PYGO1: variants seen among roughly 807,000 people sequenced by gnomAD.
PYGO1 encodes the protein pygopus family PHD finger 1, also known as pygopus homolog 1.
PYGO1 carries 6 observed loss-of-function variants against 29.5 expected under a neutral mutation model. The ratio of observed to expected loss-of-function variants is 0.20; its 90% confidence interval spans 0.11 to 0.40. The LOEUF is 0.40. Among genes scored for constraint, PYGO1 ranks in the 10% least tolerant of loss-of-function variants. PYGO1 has a pLI of 1.00. For missense variants in PYGO1, 515 were observed against 514.9 expected (o/e 1.00, Z 0.00); for synonymous variants, 186 against 180.5 (o/e 1.03, Z -0.24).
chr15:55,568,320 CTGTGTGTG>C lies in PYGO1; in HGVS notation c.50-19333_50-19326del, dbSNP rs58177433. 5.5e-3 allele frequency among the ~76,000 whole-genome samples: 688 copies of C among 125,904 alleles called. 4 individuals are homozygous for C. Among genetic ancestry groups the C allele is most frequent in the Admixed American group, 0.011 (141 of 12,480 alleles). 82.6% of individuals were successfully genotyped at this position (125,904 alleles called of 152,430 possible). ...ATGGTTAAGACGTATTTCCTAGGTA[CTGTGTGTG>C]TGTGTGTGTGTGTGTGTGTGTGTGT... On this transcript the variant is annotated intron_variant, in intron 1 of 2. Coordinates refer to ENST00000563719, the MANE Select transcript of PYGO1 (RefSeq NM_001367806.1).
intron 1 of PYGO1, among the ~76,000 whole-genome samples, chr15:55,578,508 C>A (rs2059013350): frequency 6.6e-6 from 1 of 152,132 alleles, no homozygotes; most frequent in South Asian, 2.1e-4. Context: ...CACATCCTCA[C>A]CAACATTTTT....
chr15:55,548,342 C>T (rs1242719698), intron 2 of PYGO1, among the ~76,000 whole-genome samples: 1 of 151,918 alleles, frequency 6.6e-6, no homozygotes, highest in African/African-American at 2.4e-5. Context: ...TTTTAATTTG[C>T]CCACACTTCC....
chr15:55,568,320 C>CTGTG (rs58177433), intron 1 of PYGO1, among the ~76,000 whole-genome samples: 31,677 of 125,648 alleles, frequency 0.25, 4,572 homozygotes, highest in Non-Finnish European at 0.29. Flanking sequence ...TTCCTAGGTA[C>CTGTG]TGTGTGTGTG....
chr15:55,576,632 G>T (rs1176532824), intron 1 of PYGO1, among the ~76,000 whole-genome samples: 1 of 150,392 alleles, frequency 6.6e-6, no homozygotes, highest in Non-Finnish European at 1.5e-5. Context: ...TTAGCCGGGC[G>T]TGGTGGTGGG....
intron 2 of PYGO1, among the ~76,000 whole-genome samples, chr15:55,548,228 C>A (rs1228868255): frequency 6.6e-6 from 1 of 151,750 alleles, no homozygotes; most frequent in Non-Finnish European, 1.5e-5. Flanking sequence ...CCATGTTGGC[C>A]AGTCTGGTCT....
Position 55,546,591 on chromosome 15 carries a change from T to C in PYGO1, c.692A>G (p.Gln231Arg). The C allele has an allele frequency of 3.7e-6, 6 of 1,613,956 alleles. No homozygotes were observed. The highest frequency in any genetic ancestry group is 5.1e-6 in the Non-Finnish European group (6 of 1,179,962). ...SFIPPPNTFG[Q>R]AKAPPPKQDF... Reference sequence around the variant, plus strand: ...TTGTTTTGGGGGTGGTGCTTTTGCTTGACCAAAAGTGTTTGGGGGAGGAAT... The same window carrying C: ...TTGTTTTGGGGGTGGTGCTTTTGCTCGACCAAAAGTGTTTGGGGGAGGAAT... The change falls in exon 3 of 3, where the codon CAA becomes CGA. Residue 231 changes from glutamine to arginine, a missense_variant. By Grantham distance (43) the Gln-to-Arg change is conservative. Coordinates refer to ENST00000563719, the MANE Select transcript of PYGO1 (RefSeq NM_001367806.1).
In PYGO1 at chr15:55,587,761, C is replaced by A; in HGVS notation, c.49+74G>T. ...AGGCCCGGACAGAGCCCCATGGCCTCCCGGCGGCCGGGCACGGGGCCCCGC... is the reference window on the plus strand; with the variant it reads ...AGGCCCGGACAGAGCCCCATGGCCTACCGGCGGCCGGGCACGGGGCCCCGC... On this transcript the variant is annotated intron_variant, in intron 1 of 2. Transcript: ENST00000563719. 3.5e-6 allele frequency: 5 copies of A among 1,438,934 alleles called. No individual in the cohort carries two copies. In the South Asian group the frequency reaches 5.3e-5, roughly 15 times the overall value. The allele number at this position is 1,438,934 out of a possible 1,614,324, so 89.1% of individuals were successfully genotyped here. A position where few individuals can be genotyped will look rare whatever the true frequency, so the allele number is the denominator to read the frequency against.
intron 1 of PYGO1, among the ~76,000 whole-genome samples, chr15:55,555,241 T>C (rs1211564497): frequency 6.6e-6 from 1 of 151,972 alleles, no homozygotes; most frequent in Non-Finnish European, 1.5e-5. Context: ...AACCAAGAAT[T>C]TCATATCCGA....
intron 1 of PYGO1, among the ~76,000 whole-genome samples, chr15:55,571,366 G>A (rs983365373): frequency 6.6e-5 from 10 of 151,940 alleles, no homozygotes; most frequent in African/African-American, 1.9e-4. Context: ...CAACTATTTC[G>A]GATATATACA....
At chr15:55,578,122 C>G (rs750748307) in intron 1 of PYGO1, among the ~76,000 whole-genome samples, 3 of 152,118 alleles carry the variant, frequency 2.0e-5, no homozygotes, top group Non-Finnish European at 4.4e-5. Context: ...TAGCTTCTTT[C>G]GTTTAGCATA....
chr15:55,559,146 C>A (rs966322535), intron 1 of PYGO1, among the ~76,000 whole-genome samples: 6 of 152,024 alleles, frequency 3.9e-5, no homozygotes, highest in African/African-American at 2.4e-5. Context: ...AAGAAAAAAA[C>A]AACCCCATCG....
In PYGO1 at chr15:55,540,301, A is replaced by G. The variant is rs1207376517; in HGVS notation, c.*5722T>C. The G allele has an allele frequency of 2.0e-5, 3 of 152,024 alleles. No homozygotes were observed. The highest frequency in any genetic ancestry group is 4.4e-5 in the Non-Finnish European group (3 of 67,932). 9.4% of individuals were successfully genotyped at this position (152,024 alleles called of 1,614,324 possible). On this transcript the variant is annotated 3_prime_UTR_variant, in exon 3 of 3. Transcript: ENST00000563719. ...CATGTCTAAATAAATGAAGATAAAT[A>G]TTACAGTACTACTTATTTTGGTTAT...
chr15:55,552,334 C>T (rs1445211548), intron 1 of PYGO1, among the ~76,000 whole-genome samples: 1 of 138,596 alleles, frequency 7.2e-6, no homozygotes, highest in Non-Finnish European at 1.5e-5. Flanking sequence ...GCACTCCAGC[C>T]TGGGCAAAAG....
chr15:55,547,638 C>A (rs1410050310), intron 2 of PYGO1, among the ~76,000 whole-genome samples: 2 of 151,704 alleles, frequency 1.3e-5, no homozygotes, highest in Non-Finnish European at 3.0e-5. Flanking sequence ...ACATTAAGTT[C>A]TGGGCCTCAG....
At position 55,546,081 on chromosome 15, in the gene PYGO1, A is replaced by T; in HGVS notation, c.1202T>A (p.Val401Asp). Residue 401 changes from valine to aspartate, a missense_variant, in exon 3 of 3, where the codon GTC becomes GAC. Val to Asp is a radical substitution (Grantham distance 152, BLOSUM62 -3). Transcript: ENST00000563719. ...GCDTCMADKD[V>D]QLMRTRETFG... ...AGTTTCTCTAGTACGCATTAACTGGACATCTTTGTCAGCCATACAGGTATC... is the reference window on the plus strand; with the variant it reads ...AGTTTCTCTAGTACGCATTAACTGGTCATCTTTGTCAGCCATACAGGTATC... 2 of 1,614,192 alleles carry T rather than the reference A, an allele frequency of 1.2e-6. No individual in the cohort carries two copies. Among genetic ancestry groups the T allele is most frequent in the Non-Finnish European group, 1.7e-6 (2 of 1,180,024 alleles).
Position 55,546,226 on chromosome 15 carries a change from C to T in PYGO1, c.1057G>A (p.Asp353Asn), listed in dbSNP as rs1425896092. 8 of 1,614,080 alleles carry T rather than the reference C, an allele frequency of 5.0e-6. No homozygotes were observed. The highest frequency in any genetic ancestry group is 6.8e-6 in the Non-Finnish European group (8 of 1,180,036). The change falls in exon 3 of 3, where the codon GAT becomes AAT. Residue 353 changes from aspartate to asparagine, a missense_variant. By Grantham distance (23) the Asp-to-Asn change is conservative (BLOSUM62 1). Transcript: ENST00000563719. ...CGICTNEVND[D>N]QDAILCEASC... Reference sequence around the variant, plus strand: ...GCCTCACATAAGATGGCATCCTGATCATCGTTCACCTCGTTTGTACAAATT... The same window carrying T: ...GCCTCACATAAGATGGCATCCTGATTATCGTTCACCTCGTTTGTACAAATT...
In PYGO1 at chr15:55,559,567, C is replaced by G. The variant is rs529788230; in HGVS notation, c.50-10572G>C. Among the ~76,000 whole-genome samples the G allele has an allele frequency of 1.8e-4, 27 of 152,296 alleles. No homozygotes were observed. The East Asian group carries it at 4.8e-3, about 27-fold the overall frequency. Reference sequence around the variant, plus strand: ...GCAGCACTATTCACAATAGCAAAGACTTGGAACCAACCCAAATGTCCATCA... The same window carrying G: ...GCAGCACTATTCACAATAGCAAAGAGTTGGAACCAACCCAAATGTCCATCA... On this transcript the variant is annotated intron_variant, in intron 1 of 2. Coordinates refer to ENST00000563719, the MANE Select transcript of PYGO1 (RefSeq NM_001367806.1).
chr15:55,579,008 AC>A (rs2059015177), intron 1 of PYGO1, among the ~76,000 whole-genome samples: 1 of 152,180 alleles, frequency 6.6e-6, no homozygotes. Context: ...AATTAAAAGA[AC>A]TTCTATATTT....
At chr15:55,557,578 G>A (rs1196085183) in intron 1 of PYGO1, among the ~76,000 whole-genome samples, 2 of 152,170 alleles carry the variant, frequency 1.3e-5, no homozygotes, top group African/African-American at 2.4e-5. Flanking sequence ...GATGAACACT[G>A]ATGCAGAAAT....
Sources: allele counts gnomAD v4.1 joint callset (sites outside exome capture counted in the v4.1 genomes callset), GRCh38; gene constraint gnomAD v4.1.1; transcripts MANE v1.5; gene names NCBI Gene and HGNC (gene_info 2026-07-23, HGNC 2026-07-21).